Variants in SHISA6 observed in about 807,000 individuals in gnomAD.
The protein encoded by SHISA6 is protein shisa-6.
SHISA6 carries 22 observed loss-of-function variants against 47.9 expected under a neutral mutation model. The observed-to-expected ratio is 0.46, with a 90% CI of 0.33 to 0.66. The LOEUF (loss-of-function observed/expected upper bound fraction) is 0.66. SHISA6 is among the 30% of genes least tolerant of loss of function. SHISA6 has a pLI of 0.02. For synonymous variants in SHISA6, 388 were observed against 337.8 expected (o/e 1.15, Z -1.63); for missense variants, 680 against 764.6 (o/e 0.89, Z 1.30).
intron 3 of SHISA6, among the ~76,000 whole-genome samples, chr17:11,411,257 C>T (rs577480784): frequency 4.4e-4 from 67 of 152,186 alleles, no homozygotes; most frequent in African/African-American, 1.2e-3. Flanking sequence ...TGTGAGCCAC[C>T]GCGCCTGGCC....
chr17:11,407,372 T>G (rs1390829480), intron 3 of SHISA6, among the ~76,000 whole-genome samples: 1 of 152,056 alleles, frequency 6.6e-6, no homozygotes, highest in African/African-American at 2.4e-5. Flanking sequence ...CCCTAGTGAA[T>G]GGGCTTCTTT....
At chr17:11,467,071 T>C (rs1341579831) in intron 3 of SHISA6, among the ~76,000 whole-genome samples, 4 of 152,200 alleles carry the variant, frequency 2.6e-5, no homozygotes, top group Non-Finnish European at 5.9e-5. Context: ...ACATGGACTA[T>C]CCCTCTCACT....
intron 3 of SHISA6, among the ~76,000 whole-genome samples, chr17:11,399,089 T>C (rs12951425): frequency 0.35 from 52,970 of 152,036 alleles, 9,600 homozygotes; most frequent in Non-Finnish European, 0.42. Context: ...TTTCCAGTTA[T>C]GCTAAAGACA....
intron 2 of SHISA6, among the ~76,000 whole-genome samples, chr17:11,286,551 G>A (rs1909307450): frequency 6.6e-6 from 1 of 152,116 alleles, no homozygotes; most frequent in South Asian, 2.1e-4. Flanking sequence ...TTATGCATTT[G>A]AATGATGCTG....
intron 3 of SHISA6, among the ~76,000 whole-genome samples, chr17:11,509,287 C>T (rs957289998): frequency 6.6e-6 from 1 of 152,184 alleles, no homozygotes; most frequent in African/African-American, 2.4e-5. Context: ...TTGGGGAACA[C>T]AGTCTGAGGA....
intron 2 of SHISA6, among the ~76,000 whole-genome samples, chr17:11,349,420 TA>T (rs1226620401): frequency 5.9e-5 from 9 of 152,210 alleles, no homozygotes; most frequent in African/African-American, 2.2e-4. Flanking sequence ...AGCCTAGGAT[TA>T]TTTGACATCG....
At chr17:11,302,701 G>A (rs1741928730) in intron 2 of SHISA6, among the ~76,000 whole-genome samples, 4 of 152,276 alleles carry the variant, frequency 2.6e-5, no homozygotes, top group Middle Eastern at 3.4e-3. Flanking sequence ...TGGAAGTCCT[G>A]CTTAGGTCCT....
intron 3 of SHISA6, among the ~76,000 whole-genome samples, chr17:11,447,603 C>T (rs1360222237): frequency 2.8e-4 from 43 of 152,316 alleles, no homozygotes; most frequent in East Asian, 2.1e-3. Context: ...CCCAGCTAAA[C>T]GTTTTCAGAG....
intron 2 of SHISA6, among the ~76,000 whole-genome samples, chr17:11,286,060 A>T (rs1483584478): frequency 1.3e-5 from 2 of 151,720 alleles, no homozygotes; most frequent in African/African-American, 4.8e-5. Flanking sequence ...ATGGTCTCGA[A>T]CTCCTGAACT....
chr17:11,328,502 G>C (rs1910987749), intron 2 of SHISA6, among the ~76,000 whole-genome samples: 1 of 152,164 alleles, frequency 6.6e-6, no homozygotes, highest in Non-Finnish European at 1.5e-5. Flanking sequence ...TTATCTTCCA[G>C]GGCTTTCTTG....
intron 2 of SHISA6, among the ~76,000 whole-genome samples, chr17:11,335,887 G>C (rs1911302605): frequency 1.3e-5 from 2 of 152,062 alleles, no homozygotes; most frequent in African/African-American, 4.8e-5. Context: ...TGACATATGC[G>C]AGTTATGCCT....
At chr17:11,451,822 G>A (rs1191401057) in intron 3 of SHISA6, among the ~76,000 whole-genome samples, 1 of 152,244 alleles carries the variant, frequency 6.6e-6, no homozygotes, top group East Asian at 1.9e-4. Context: ...GTCATGAGCT[G>A]TCCATCTCCA....
chr17:11,448,892 A>G (rs1313427688), intron 3 of SHISA6, among the ~76,000 whole-genome samples: 1 of 152,084 alleles, frequency 6.6e-6, no homozygotes, highest in African/African-American at 2.4e-5. Flanking sequence ...ACTTTCTACC[A>G]TGGGCCACTG....
At chr17:11,500,226 A>G (rs79811526) in intron 3 of SHISA6, among the ~76,000 whole-genome samples, 1,780 of 152,312 alleles carry the variant, frequency 0.012, 28 homozygotes, top group African/African-American at 0.04. Context: ...GCATTCTGAT[A>G]TGGCCTGGAA....
chr17:11,369,312 G>A (rs1294623170), intron 2 of SHISA6, among the ~76,000 whole-genome samples: 1 of 152,194 alleles, frequency 6.6e-6, no homozygotes, highest in Non-Finnish European at 1.5e-5. Flanking sequence ...GGCAAATAGA[G>A]AATGTCAATA....
intron 2 of SHISA6, among the ~76,000 whole-genome samples, chr17:11,278,196 A>G (rs1016436669): frequency 6.6e-6 from 1 of 152,186 alleles, no homozygotes; most frequent in Non-Finnish European, 1.5e-5. Flanking sequence ...GGGGAGGGTC[A>G]CTGGGAGACT....
intron 3 of SHISA6, among the ~76,000 whole-genome samples, chr17:11,544,056 T>C (rs1263318698): frequency 6.6e-6 from 1 of 150,438 alleles, no homozygotes; most frequent in Non-Finnish European, 1.5e-5. Context: ...TCCTACCTCA[T>C]ATAAAAATTA....
intron 3 of SHISA6, among the ~76,000 whole-genome samples, chr17:11,406,400 A>G (rs890584202): frequency 1.3e-5 from 2 of 152,228 alleles, no homozygotes; most frequent in African/African-American, 4.8e-5. Context: ...TTAACTCGCC[A>G]GTCCTCACCA....
intron 2 of SHISA6, among the ~76,000 whole-genome samples, chr17:11,272,729 G>T (rs114901031): frequency 6.6e-5 from 10 of 152,178 alleles, no homozygotes; most frequent in Non-Finnish European, 1.0e-4. Flanking sequence ...AAAGTGACTA[G>T]CAATGATGTG....
Sources: allele counts gnomAD v4.1 joint callset (sites outside exome capture counted in the v4.1 genomes callset), GRCh38; gene constraint gnomAD v4.1.1; transcripts MANE v1.5; gene names NCBI Gene and HGNC (gene_info 2026-07-23, HGNC 2026-07-21).